CYB5B: variants seen among roughly 807,000 people sequenced by gnomAD.
CYB5B encodes the protein cytochrome b5 type B (outer mitochondrial membrane).
In CYB5B, 14 loss-of-function variants were observed where a neutral mutation model predicts 21.3. The ratio of observed to expected loss-of-function variants is 0.66; its 90% confidence interval spans 0.43 to 1.03. The LOEUF (loss-of-function observed/expected upper bound fraction) is 1.03. Among genes scored for constraint, CYB5B ranks in the 50% least tolerant of loss-of-function variants. The pLI is 0.00. For missense variants in CYB5B, 166 were observed against 185.1 expected, an observed-to-expected ratio of 0.90 and a Z score of 0.60; for synonymous variants, 69 against 68.4, an observed-to-expected ratio of 1.01 and a Z score of -0.04.
intron 1 of CYB5B, among the ~76,000 whole-genome samples, chr16:69,433,738 A>G (rs1312811997): frequency 6.6e-6 from 1 of 152,232 alleles, no homozygotes; most frequent in Non-Finnish European, 1.5e-5. Context: ...TCTCATCTGT[A>G]TAATCACCAT....
At position 69,463,540 on chromosome 16, in the gene CYB5B, T is replaced by C. The variant is rs890520983; in HGVS notation, c.*1020T>C. Reference sequence around the variant, plus strand: ...TTGGTAAAATATAAATGTATAATTATGTTTGTAGAGCTTTACCAAGGAGTT... The same window carrying C: ...TTGGTAAAATATAAATGTATAATTACGTTTGTAGAGCTTTACCAAGGAGTT... On this transcript the variant is annotated 3_prime_UTR_variant, in exon 5 of 5. Coordinates refer to ENST00000307892, the MANE Select transcript of CYB5B (RefSeq NM_030579.3). The C allele has an allele frequency of 2.0e-5, 3 of 152,208 alleles. No homozygotes were observed. The highest frequency in any genetic ancestry group is 7.2e-5 in the African/African-American group (3 of 41,446). The allele number at this position is 152,208 out of a possible 1,614,324, so 9.4% of individuals were successfully genotyped here.
rs778724487 is a variant in CYB5B, at chr16:69,424,738, G to T, written c.55G>T (p.Glu19Ter). The T allele has an allele frequency of 1.9e-6, 3 of 1,600,798 alleles. No individual in the cohort carries two copies. The Admixed American group carries it at 5.2e-5, about 27-fold the overall frequency. Residue 19 changes from glutamate to a stop codon, truncating the protein, a stop_gained, in exon 1 of 5, where the codon GAA becomes TAA. Transcript: ENST00000307892. LOFTEE classifies it high-confidence loss of function. ...TAGCGGCAGCGATGGGAAAGGGCAG[G>T]AAGTCGAGACCTCAGTCACCTATTA... ...EASGSDGKGQ[E>*]VETSVTYYRL...
chr16:69,452,374 T>C (rs1407052450), intron 3 of CYB5B, among the ~76,000 whole-genome samples: 1 of 150,948 alleles, frequency 6.6e-6, no homozygotes, highest in Non-Finnish European at 1.5e-5. Context: ...ACCTTGCTTC[T>C]CTTTACTTAA....
chr16:69,459,317 T>C (rs549994595), intron 4 of CYB5B, 196 bp downstream of exon 4: 3 of 640,374 alleles, frequency 4.7e-6, no homozygotes, highest in African/African-American at 1.9e-5. Flanking sequence ...TTTTGAATAA[T>C]CTAAAAGTTT....
In CYB5B at chr16:69,462,527, C is replaced by T; in HGVS notation, c.*7C>T. On this transcript the variant is annotated 3_prime_UTR_variant, in exon 5 of 5. Coordinates refer to ENST00000307892, the MANE Select transcript of CYB5B (RefSeq NM_030579.3). Reference sequence around the variant, plus strand: ...GGAAAGCAAATCCTCCTGAGGAGGCCTTGCTGAAGTTAGAAAGTGCATCCA... The same window carrying T: ...GGAAAGCAAATCCTCCTGAGGAGGCTTTGCTGAAGTTAGAAAGTGCATCCA... 1 of 1,611,688 alleles carries T rather than the reference C, an allele frequency of 6.2e-7. No homozygotes were observed. The highest frequency in any genetic ancestry group is 8.5e-7 in the Non-Finnish European group (1 of 1,177,984).
chr16:69,426,923 G>A (rs1019670362), intron 1 of CYB5B, among the ~76,000 whole-genome samples: 1 of 152,120 alleles, frequency 6.6e-6, no homozygotes, highest in African/African-American at 2.4e-5. Flanking sequence ...TCATGCTAAA[G>A]CATGGTTCAT....
At chr16:69,425,235 A>C (rs764945291) in intron 1 of CYB5B, among the ~76,000 whole-genome samples, 1 of 152,192 alleles carries the variant, frequency 6.6e-6, no homozygotes, top group Non-Finnish European at 1.5e-5. Context: ...TCTGAAGTGC[A>C]CCCACATCTG....
At position 69,465,935 on chromosome 16, in the gene CYB5B, G is replaced by A. The variant is rs1488616573; in HGVS notation, c.*3415G>A. ...TTTGTGGGGGTGATCTAGGAAGAAG[G>A]TTCCAAAGAAGCAGAGGCATTTGTC... On this transcript the variant is annotated 3_prime_UTR_variant, in exon 5 of 5. Coordinates refer to ENST00000307892, the MANE Select transcript of CYB5B (RefSeq NM_030579.3). The A allele has an allele frequency of 6.6e-6, 1 of 152,648 alleles. No individual in the cohort carries two copies. Among genetic ancestry groups the A allele is most frequent in the East Asian group, 1.9e-4 (1 of 5,180 alleles). The allele number at this position is 152,648 out of a possible 1,614,324, so 9.5% of individuals were successfully genotyped here. A position where few individuals can be genotyped will look rare whatever the true frequency, so the allele number is the denominator to read the frequency against.
intron 3 of CYB5B, among the ~76,000 whole-genome samples, chr16:69,456,768 G>T (rs1351527712): frequency 6.6e-6 from 1 of 152,162 alleles, no homozygotes; most frequent in Non-Finnish European, 1.5e-5. Flanking sequence ...AATGAAGACT[G>T]GGGGGAACTG....
rs141895304 is a variant in CYB5B, at chr16:69,425,115, C to G, written c.174+258C>G. On this transcript the variant is annotated intron_variant, in intron 1 of 4. Transcript: ENST00000307892. ...TGTCGAGCATTTGCTGTGTGCTCAG[C>G]TAAACTCTAAGCCATCATTATCTTT... is the stretch of plus-strand genomic sequence containing the variant. 4.8e-3 allele frequency among the ~76,000 whole-genome samples: 737 copies of G among 152,288 alleles called. 29 individuals carry two copies. Among genetic ancestry groups the G allele is most frequent in the Admixed American group, 0.042 (649 of 15,298 alleles).
rs547661302 is a variant in CYB5B at position 69,427,760 on chromosome 16, C to T, written c.174+2903C>T. On this transcript the variant is annotated intron_variant, in intron 1 of 4. Transcript: ENST00000307892. The stretch of plus-strand genomic sequence containing the variant: ...CCTGTAATCCCAGCACTTTGCGAGG[C>T]GAAGGTGGGCAGATCATGAGGTAAG... Among the ~76,000 whole-genome samples the T allele has an allele frequency of 4.3e-4, 66 of 151,846 alleles. 1 individual carries two copies. The East Asian group carries it at 8.0e-3, about 18-fold the overall frequency.
intron 3 of CYB5B, 143 bp from the exon 4 acceptor site, chr16:69,458,950 G>A (rs2015006565): frequency 4.3e-6 from 3 of 692,832 alleles, no homozygotes; most frequent in South Asian, 5.0e-5. Flanking sequence ...TTATATATTT[G>A]TAAACACCAA....
At position 69,464,437 on chromosome 16, in the gene CYB5B, A is replaced by G. The variant is rs2015066933; in HGVS notation, c.*1917A>G. The G allele has an allele frequency of 6.6e-6, 1 of 152,240 alleles. No homozygotes were observed. The allele number at this position is 152,240 out of a possible 1,614,324, so 9.4% of individuals were successfully genotyped here. On this transcript the variant is annotated 3_prime_UTR_variant, in exon 5 of 5. Coordinates refer to ENST00000307892, the MANE Select transcript of CYB5B (RefSeq NM_030579.3). Reference sequence around the variant, plus strand: ...AAGTGGTATGACTTGATGCTTCTCTATTTAAAGGCAAGGAAGGATTGGTAT... The same window carrying G: ...AAGTGGTATGACTTGATGCTTCTCTGTTTAAAGGCAAGGAAGGATTGGTAT...
At chr16:69,429,193 T>C (rs757473927) in intron 1 of CYB5B, among the ~76,000 whole-genome samples, 1 of 152,132 alleles carries the variant, frequency 6.6e-6, no homozygotes, top group Non-Finnish European at 1.5e-5. Flanking sequence ...GCGGTGAGTG[T>C]TATAGCTCTT....
Position 69,462,519 on chromosome 16 carries a change from G to T in CYB5B, c.452G>T (p.Ter151LeuextTer105). 6.2e-7 allele frequency: 1 copy of T among 1,613,196 alleles called. No homozygotes were observed. Among genetic ancestry groups the T allele is most frequent in the South Asian group, 1.1e-5 (1 of 91,056 alleles). ...RYYTSESKSS[*>L] ...TACACATCGGAAAGCAAATCCTCCT[G>T]AGGAGGCCTTGCTGAAGTTAGAAAG... is the stretch of plus-strand genomic sequence containing the variant. Residue 151 changes from the stop codon to leucine, a stop_lost, in exon 5 of 5, where the codon TGA becomes TTA. Transcript: ENST00000307892.
chr16:69,436,541 A>AC (rs2014762121), intron 1 of CYB5B, among the ~76,000 whole-genome samples: 1 of 151,190 alleles, frequency 6.6e-6, no homozygotes. Context: ...CCTCCTGTTC[A>AC]CCCCCCAGGT....
intron 1 of CYB5B, among the ~76,000 whole-genome samples, chr16:69,440,282 A>G (rs780880788): frequency 1.3e-5 from 2 of 152,226 alleles, no homozygotes; most frequent in Non-Finnish European, 1.5e-5. Context: ...AAATGAGACT[A>G]TACTCATTAA....
chr16:69,425,464 CTG>C (rs1270333369), intron 1 of CYB5B, among the ~76,000 whole-genome samples: 29 of 151,476 alleles, frequency 1.9e-4, no homozygotes, highest in East Asian at 1.4e-3. Flanking sequence ...ATATTCAAGA[CTG>C]TTTTATTTAA....
At chr16:69,435,676 C>G (rs1183512712) in intron 1 of CYB5B, among the ~76,000 whole-genome samples, 1 of 152,132 alleles carries the variant, frequency 6.6e-6, no homozygotes, top group Non-Finnish European at 1.5e-5. Context: ...CTCACTGTGT[C>G]TCCCAGGCTG....
Sources: allele counts gnomAD v4.1 joint callset (sites outside exome capture counted in the v4.1 genomes callset), GRCh38; gene constraint gnomAD v4.1.1; transcripts MANE v1.5; gene names NCBI Gene and HGNC (gene_info 2026-07-23, HGNC 2026-07-21).